Variants in GABRA3 observed in about 807,000 individuals in gnomAD.
The protein encoded by GABRA3 is gamma-aminobutyric acid receptor subunit alpha-3.
In GABRA3, 10 loss-of-function variants were observed where a neutral mutation model predicts 30.1. That is an observed-to-expected ratio of 0.33 (90% confidence interval 0.20 to 0.56). The LOEUF is 0.56. Ranked by LOEUF, GABRA3 falls within the 20% of genes least tolerant of loss-of-function variation. The pLI, the probability that GABRA3 is intolerant of heterozygous loss-of-function variation, is 0.89. For synonymous variants in GABRA3, 151 were observed against 146.8 expected (o/e 1.03, Z -0.21); for missense variants, 233 against 392.0 (o/e 0.59, Z 3.42).
intron 3 of GABRA3, among the ~76,000 whole-genome samples, chrX:152,315,265 G>A (rs1485500225): frequency 9.0e-6 from 1 of 111,452 alleles, no homozygotes; most frequent in East Asian, 2.8e-4. Context: ...GATCATGGGA[G>A]AAGGATTTGA....
chrX:152,291,502 T>C (rs1312770286), intron 3 of GABRA3, among the ~76,000 whole-genome samples: 10 of 111,734 alleles, frequency 8.9e-5, no homozygotes, highest in Non-Finnish European at 1.9e-5. Flanking sequence ...ATACCCTTTA[T>C]TTATTTCTCT....
intron 1 of GABRA3, among the ~76,000 whole-genome samples, chrX:152,441,992 A>C (rs1056839495): frequency 8.9e-6 from 1 of 111,763 alleles, no homozygotes; most frequent in African/African-American, 3.2e-5. Flanking sequence ...TGAAAATGTA[A>C]AACTTCTGTA....
chrX:152,193,619 A>G (rs924784201), intron 8 of GABRA3, among the ~76,000 whole-genome samples: 3 of 112,829 alleles, frequency 2.7e-5, no homozygotes, highest in African/African-American at 9.7e-5. Flanking sequence ...ACTGTTTTCT[A>G]AAGTAATTTT....
chrX:152,324,520 T>C (rs760029856), intron 3 of GABRA3, among the ~76,000 whole-genome samples: 1 of 111,882 alleles, frequency 8.9e-6, no homozygotes, highest in East Asian at 2.8e-4. Flanking sequence ...CATGGAAAAA[T>C]TAAATAGATT....
chrX:152,254,530 CTTCA>C (rs1335957975), intron 5 of GABRA3, among the ~76,000 whole-genome samples: 1 of 110,308 alleles, frequency 9.1e-6, no homozygotes, highest in Non-Finnish European at 1.9e-5. Context: ...CACTTTCCTT[CTTCA>C]TTATTTTATC....
chrX:152,285,935 G>A (rs894027383), intron 3 of GABRA3, among the ~76,000 whole-genome samples: 1 of 106,168 alleles, frequency 9.4e-6, no homozygotes, highest in African/African-American at 3.4e-5. Context: ...ATACTATATA[G>A]TACTTAGTAC....
chrX:152,194,960 A>G (rs1488873010), intron 8 of GABRA3, among the ~76,000 whole-genome samples: 3 of 110,758 alleles, frequency 2.7e-5, no homozygotes, highest in East Asian at 2.9e-4. Context: ...AGGTCTCCCT[A>G]TGTTTCCCAG....
intron 1 of GABRA3, among the ~76,000 whole-genome samples, chrX:152,437,126 A>C (rs1407353773): frequency 9.0e-6 from 1 of 111,582 alleles, no homozygotes; most frequent in Non-Finnish European, 1.9e-5. Context: ...TGCAAATTAA[A>C]CCACAATGAG....
chrX:152,183,823 A>G (rs193130780), intron 9 of GABRA3, among the ~76,000 whole-genome samples: 43 of 111,293 alleles, frequency 3.9e-4, no homozygotes, highest in African/African-American at 1.2e-3. Flanking sequence ...GTTGTTCAGG[A>G]GAATGTTGTT....
chrX:152,236,286 T>C (rs1938211740), intron 5 of GABRA3, among the ~76,000 whole-genome samples: 1 of 106,088 alleles, frequency 9.4e-6, no homozygotes, highest in Admixed American at 1.0e-4. Flanking sequence ...ATAATGATGA[T>C]TTCCAATTTC....
chrX:152,212,235 G>T (rs1937636240), intron 6 of GABRA3, among the ~76,000 whole-genome samples: 1 of 87,388 alleles, frequency 1.1e-5, no homozygotes, highest in African/African-American at 4.4e-5. Flanking sequence ...AGTGAGCTGT[G>T]ATTGAACCAC....
intron 2 of GABRA3, among the ~76,000 whole-genome samples, chrX:152,359,944 A>G (rs1248579075): frequency 9.1e-6 from 1 of 109,440 alleles, no homozygotes; most frequent in Admixed American, 9.8e-5. Flanking sequence ...GCGATAGTTT[A>G]CTGAGAATGA....
At chrX:152,387,978 C>T (rs1929370095) in intron 1 of GABRA3, among the ~76,000 whole-genome samples, 3 of 111,244 alleles carry the variant, frequency 2.7e-5, no homozygotes, top group Non-Finnish European at 5.7e-5. Flanking sequence ...TCAAAAAAGT[C>T]ATGTTCAAAT....
chrX:152,270,332 T>C (rs1938908493), intron 4 of GABRA3, among the ~76,000 whole-genome samples: 1 of 111,770 alleles, frequency 8.9e-6, no homozygotes, highest in South Asian at 3.8e-4. Flanking sequence ...CTGCCATTAC[T>C]GTACGTTTCC....
At chrX:152,270,259 C>T (rs1034526783) in intron 4 of GABRA3, among the ~76,000 whole-genome samples, 1 of 111,088 alleles carries the variant, frequency 9.0e-6, no homozygotes, top group Non-Finnish European at 1.9e-5. Context: ...AGGCTTTCCC[C>T]CCCTTTACTT....
chrX:152,338,260 G>A (rs1379449679), intron 3 of GABRA3, among the ~76,000 whole-genome samples: 1 of 111,789 alleles, frequency 8.9e-6, no homozygotes, highest in Non-Finnish European at 1.9e-5. Context: ...CTGTAGTTTC[G>A]ATGTGCACTT....
intron 9 of GABRA3, among the ~76,000 whole-genome samples, chrX:152,183,234 T>A (rs1357493839): frequency 1.8e-5 from 2 of 110,639 alleles, no homozygotes; most frequent in Non-Finnish European, 3.8e-5. Flanking sequence ...ATTCAGCTCC[T>A]TATTCATTAT....
intron 8 of GABRA3, among the ~76,000 whole-genome samples, chrX:152,195,085 GAT>G (rs1402552542): frequency 2.7e-5 from 3 of 111,854 alleles, no homozygotes; most frequent in Admixed American, 9.5e-5. Context: ...TTTTTAGAAG[GAT>G]ATATTGGCTA....
chrX:152,275,170 T>A (rs1404767292), intron 4 of GABRA3, among the ~76,000 whole-genome samples: 1 of 78,028 alleles, frequency 1.3e-5, no homozygotes, highest in Non-Finnish European at 2.3e-5. Flanking sequence ...ATATATATAA[T>A]TTATATATAT....
Sources: gnomAD v4.1 joint callset for allele counts (sites outside exome capture counted in the v4.1 genomes callset) on GRCh38, gnomAD v4.1.1 for gene constraint, MANE v1.5 for transcripts, NCBI Gene and HGNC (gene_info 2026-07-23, HGNC 2026-07-21) for gene names.